Variants in TRAPPC9 observed in about 807,000 individuals in gnomAD.
The protein encoded by TRAPPC9 is IKK2 binding protein.
Under a neutral mutation model 124.0 loss-of-function variants are expected in TRAPPC9, and 83 were observed. The observed-to-expected ratio is 0.67, with a 90% CI of 0.56 to 0.80. The LOEUF is 0.80. TRAPPC9 is among the 30% of genes least tolerant of loss of function. The probability of loss-of-function intolerance (pLI) is 0.00; values close to 1 mark genes in which losing one functional copy is unlikely to be tolerated. For missense variants in TRAPPC9, 1,302 were observed against 1,508.3 expected, an observed-to-expected ratio of 0.86 and a Z score of 2.27; for synonymous variants, 638 against 617.5, an observed-to-expected ratio of 1.03 and a Z score of -0.49.
At chr8:139,867,146 T>C (rs1828600280) in intron 21 of TRAPPC9, among the ~76,000 whole-genome samples, 1 of 152,154 alleles carries the variant, frequency 6.6e-6, no homozygotes, top group Non-Finnish European at 1.5e-5. Context: ...TAAATATCAA[T>C]TTTCATTAGA....
At chr8:140,264,256 AG>A (rs1465494791) in intron 15 of TRAPPC9, among the ~76,000 whole-genome samples, 1 of 152,112 alleles carries the variant, frequency 6.6e-6, no homozygotes, top group Non-Finnish European at 1.5e-5. Flanking sequence ...CTTTGTCAGC[AG>A]GAGCCAATCG....
At chr8:139,759,520 C>T (rs899769405) in intron 21 of TRAPPC9, among the ~76,000 whole-genome samples, 19 of 152,062 alleles carry the variant, frequency 1.2e-4, no homozygotes, top group African/African-American at 2.2e-4. Context: ...TTCAAAGGCC[C>T]GGAAAGATAT....
intron 5 of TRAPPC9, among the ~76,000 whole-genome samples, chr8:140,417,617 T>C (rs1347678208): frequency 6.6e-6 from 1 of 152,014 alleles, no homozygotes; most frequent in Non-Finnish European, 1.5e-5. Context: ...TTGGTGGGAG[T>C]GTAAATTAGT....
At chr8:139,892,222 C>G (rs911177696) in intron 20 of TRAPPC9, among the ~76,000 whole-genome samples, 1 of 152,358 alleles carries the variant, frequency 6.6e-6, no homozygotes, top group East Asian at 1.9e-4. Flanking sequence ...CTCTGGCCCC[C>G]ACCCCGGCAT....
intron 18 of TRAPPC9, among the ~76,000 whole-genome samples, chr8:140,023,215 C>T (rs1241936635): frequency 1.3e-5 from 2 of 152,228 alleles, no homozygotes; most frequent in Non-Finnish European, 2.9e-5. Context: ...ATGGGAGCCA[C>T]AGAGGGTCCC....
chr8:140,236,180 T>C (rs939932266), intron 16 of TRAPPC9, among the ~76,000 whole-genome samples: 1 of 147,386 alleles, frequency 6.8e-6, no homozygotes, highest in Non-Finnish European at 1.5e-5. Context: ...CCTCCCAGGC[T>C]CAAGCGATTC....
At chr8:139,849,480 T>G (rs1346627873) in intron 21 of TRAPPC9, among the ~76,000 whole-genome samples, 2 of 152,274 alleles carry the variant, frequency 1.3e-5, no homozygotes, top group African/African-American at 4.8e-5. Flanking sequence ...ATTTTCATTA[T>G]GTACCTTATT....
At chr8:140,072,092 CA>C (rs1843190637) in intron 17 of TRAPPC9, among the ~76,000 whole-genome samples, 1 of 152,192 alleles carries the variant, frequency 6.6e-6, no homozygotes, top group African/African-American at 2.4e-5. Context: ...TATGAGGGGA[CA>C]TTTTTTTAAG....
chr8:139,743,676 C>T (rs560630894), intron 21 of TRAPPC9, among the ~76,000 whole-genome samples: 9 of 152,232 alleles, frequency 5.9e-5, no homozygotes, highest in South Asian at 4.2e-4. Context: ...AGCCAAGACC[C>T]GAGATGAGAG....
intron 21 of TRAPPC9, among the ~76,000 whole-genome samples, chr8:139,854,081 C>T (rs1827657776): frequency 6.6e-6 from 1 of 152,182 alleles, no homozygotes; most frequent in Non-Finnish European, 1.5e-5. Flanking sequence ...AAAATTAACA[C>T]ATCTGACCAC....
At chr8:140,410,261 C>T (rs186712202) in intron 5 of TRAPPC9, among the ~76,000 whole-genome samples, 17 of 151,962 alleles carry the variant, frequency 1.1e-4, no homozygotes, top group African/African-American at 2.4e-4. Context: ...TTTGACCAGG[C>T]GCAATGGCTC....
rs115598976 is a variant in TRAPPC9 at position 139,748,662 on chromosome 8, T to C, written c.3056-16460A>G. On this transcript the variant is annotated intron_variant, in intron 21 of 22. Coordinates refer to ENST00000438773, the MANE Select transcript of TRAPPC9 (RefSeq NM_001160372.4). ...GCATAGGCTGCTTGTTGGCTCTGCC[T>C]GGGCATCTGCCATTGGCGTGTCTAG... Among the ~76,000 whole-genome samples, 601 of 152,074 alleles carry C rather than the reference T, an allele frequency of 4.0e-3. 3 individuals carry two copies. Among genetic ancestry groups the C allele is most frequent in the African/African-American group, 0.014 (581 of 41,420 alleles).
chr8:140,156,296 A>T (rs2061629470), intron 17 of TRAPPC9, among the ~76,000 whole-genome samples: 1 of 152,244 alleles, frequency 6.6e-6, no homozygotes, highest in Admixed American at 6.5e-5. Context: ...CAACCTGGAC[A>T]TTCACTAGTT....
intron 17 of TRAPPC9, among the ~76,000 whole-genome samples, chr8:140,073,542 G>A (rs1039604786): frequency 6.6e-6 from 1 of 152,204 alleles, no homozygotes; most frequent in Non-Finnish European, 1.5e-5. Context: ...TTAGCGTATG[G>A]GGATTAACCT....
At chr8:140,289,224 T>C (rs1444773641) in intron 12 of TRAPPC9, among the ~76,000 whole-genome samples, 3 of 151,528 alleles carry the variant, frequency 2.0e-5, no homozygotes, top group African/African-American at 7.3e-5. Context: ...TGTTCTCATG[T>C]ATGTGTATAT....
chr8:140,423,663 T>TATATACACATACAC (rs2070314484), intron 5 of TRAPPC9, among the ~76,000 whole-genome samples: 1 of 144,796 alleles, frequency 6.9e-6, no homozygotes, highest in Non-Finnish European at 1.5e-5. Flanking sequence ...CATACACACA[T>TATATACACATACAC]ATATACACAT....
chr8:140,077,780 C>T lies in TRAPPC9; in HGVS notation c.2557-53701G>A, dbSNP rs548162059. Among the ~76,000 whole-genome samples the T allele has an allele frequency of 9.0e-4, 137 of 152,082 alleles. 1 individual carries two copies. In the South Asian group the frequency reaches 0.013, roughly 15 times the overall value. On this transcript the variant is annotated intron_variant, in intron 17 of 22. Transcript: ENST00000438773. ...TGAGATGGGGAGAAAGCAATGCAGG[C>T]GGAAGAATGATTGTGTAGAAAACGG...
At chr8:140,021,435 A>G (rs1341817104) in intron 18 of TRAPPC9, among the ~76,000 whole-genome samples, 6 of 152,258 alleles carry the variant, frequency 3.9e-5, no homozygotes, top group Non-Finnish European at 8.8e-5. Context: ...TATACACTAC[A>G]GAATTAAATG....
chr8:139,734,843 G>A (rs927338971), intron 21 of TRAPPC9, among the ~76,000 whole-genome samples: 2 of 152,246 alleles, frequency 1.3e-5, no homozygotes, highest in Admixed American at 6.5e-5. Context: ...CTGTGCCACT[G>A]TGGGGATGGC....
Sources: gnomAD v4.1 joint callset for allele counts (sites outside exome capture counted in the v4.1 genomes callset) on GRCh38, gnomAD v4.1.1 for gene constraint, MANE v1.5 for transcripts, NCBI Gene and HGNC (gene_info 2026-07-23, HGNC 2026-07-21) for gene names.